Variants in NACC2 observed in about 807,000 individuals in gnomAD.
NACC2 encodes the protein NACC family member 2.
NACC2 carries 8 observed loss-of-function variants against 25.1 expected under a neutral mutation model. The ratio of observed to expected loss-of-function variants is 0.32; its 90% CI spans 0.19 to 0.57. The LOEUF (loss-of-function observed/expected upper bound fraction) is 0.57. Among genes scored for constraint, NACC2 ranks in the 20% least tolerant of loss-of-function variants. The pLI is 0.89. For missense variants in NACC2, 644 were observed against 650.2 expected (o/e 0.99, Z 0.10); for synonymous variants, 435 against 294.7 (o/e 1.48, Z -4.88).
At chr9:136,052,763 G>A (rs1588572992) in intron 1 of NACC2, among the ~76,000 whole-genome samples, 5 of 152,220 alleles carry the variant, frequency 3.3e-5, no homozygotes, top group Admixed American at 1.3e-4. Flanking sequence ...CGCTCCTCCC[G>A]CACACTCCTG....
At chr9:136,058,215 T>A (rs1840956035) in intron 1 of NACC2, among the ~76,000 whole-genome samples, 1 of 152,136 alleles carries the variant, frequency 6.6e-6, no homozygotes, top group African/African-American at 2.4e-5. Flanking sequence ...CCAGGCTATG[T>A]CCTTGGGGTC....
intron 2 of NACC2, among the ~76,000 whole-genome samples, chr9:136,034,375 A>G (rs932463628): frequency 1.3e-5 from 2 of 152,190 alleles, no homozygotes; most frequent in Non-Finnish European, 2.9e-5. Context: ...AAATAGGAAG[A>G]GAAAAAGAAA....
chr9:136,059,323 T>C (rs928660710), intron 1 of NACC2, among the ~76,000 whole-genome samples: 1 of 152,158 alleles, frequency 6.6e-6, no homozygotes, highest in African/African-American at 2.4e-5. Flanking sequence ...GGTGTCCAGA[T>C]GCATGCACCA....
In NACC2 at chr9:136,042,052, G is replaced by A. The variant is rs989832964; in HGVS notation, c.886+7584C>T. On this transcript the variant is annotated intron_variant, in intron 2 of 5. Coordinates refer to ENST00000277554, the MANE Select transcript of NACC2 (RefSeq NM_144653.5). ...CTCTGTGGCCCAGGCTGGAGTGCAC[G>A]ATCTTGGCTCACTATAACCTCCACC... Among the ~76,000 whole-genome samples, 1,510 of 152,142 alleles carry A rather than the reference G, an allele frequency of 9.9e-3. 9 individuals carry two copies. The highest frequency in any genetic ancestry group is 0.017 in the Non-Finnish European group (1,123 of 68,002).
chr9:136,051,050 G>A (rs965437365), intron 1 of NACC2, among the ~76,000 whole-genome samples: 11,122 of 152,284 alleles, frequency 0.073, 761 homozygotes, highest in East Asian at 0.22. Flanking sequence ...AGGGAGGGGG[G>A]TCTCTGGAGC....
chr9:136,071,674 G>A lies in NACC2; in HGVS notation c.-59-21094C>T, dbSNP rs149668688. On this transcript the variant is annotated intron_variant, in intron 1 of 5. Coordinates refer to ENST00000277554, the MANE Select transcript of NACC2 (RefSeq NM_144653.5). ...AATTTTGAGAGAGAATTAAGTGGGA[G>A]AAATCAGGCTACCTGATTTCAAGGC... is the stretch of plus-strand genomic sequence containing the variant. Among the ~76,000 whole-genome samples the A allele has an allele frequency of 6.0e-3, 911 of 152,022 alleles. 8 individuals are homozygous for A. The highest frequency in any genetic ancestry group is 9.2e-3 in the Non-Finnish European group (623 of 68,012).
intron 2 of NACC2, among the ~76,000 whole-genome samples, chr9:136,038,967 G>A (rs947965406): frequency 3.3e-5 from 5 of 152,314 alleles, no homozygotes; most frequent in South Asian, 2.1e-4. Context: ...GATGGTAGAC[G>A]TACACCTAAA....
At chr9:136,037,277 G>A (rs1218227583) in intron 2 of NACC2, among the ~76,000 whole-genome samples, 1 of 152,070 alleles carries the variant, frequency 6.6e-6, no homozygotes, top group East Asian at 1.9e-4. Flanking sequence ...AGGCTGGAAT[G>A]CAGTGGTGTG....
At position 136,011,943 on chromosome 9, in the gene NACC2, C is replaced by T. The variant is rs1447283758; in HGVS notation, c.1337G>A (p.Arg446His). 6.2e-7 allele frequency: 1 copy of T among 1,604,104 alleles called. No homozygotes were observed. The highest frequency in any genetic ancestry group is 8.5e-7 in the Non-Finnish European group (1 of 1,177,010). The change falls in exon 6 of 6, where the codon CGC becomes CAC. Residue 446 changes from arginine to histidine, a missense_variant. By Grantham distance (29) the Arg-to-His change is conservative. Transcript: ENST00000277554. ...IAADMCTNARRVRKRWLPKIK... is the reference protein window; with the variant it reads ...IAADMCTNARHVRKRWLPKIK... The stretch of plus-strand genomic sequence containing the variant: ...CTTGGGCAGCCAGCGCTTGCGAACG[C>T]GGCGGGCGTTGGTGCACATGTCCGC...
Position 136,016,253 on chromosome 9 carries a change from A to C in NACC2, c.1051+12T>G. On this transcript the variant is annotated intron_variant, in intron 3 of 5. Coordinates refer to ENST00000277554, the MANE Select transcript of NACC2 (RefSeq NM_144653.5). Reference sequence around the variant, plus strand: ...CATTTGCATACAATAGATGGGTGGGAGGCAGCCTCACCTGCCACCAGCTCC... The same window carrying C: ...CATTTGCATACAATAGATGGGTGGGCGGCAGCCTCACCTGCCACCAGCTCC... 6.2e-7 allele frequency: 1 copy of C among 1,611,894 alleles called. No homozygotes were observed. The highest frequency in any genetic ancestry group is 2.2e-5 in the East Asian group (1 of 44,888).
intron 1 of NACC2, among the ~76,000 whole-genome samples, chr9:136,066,945 A>AT (rs749580981): frequency 1.6e-3 from 228 of 145,718 alleles, no homozygotes; most frequent in African/African-American, 4.1e-3. Context: ...ATTTAAAAAG[A>AT]TTAAAAAAAA....
At chr9:136,094,748 C>A (rs960395773) in intron 1 of NACC2, among the ~76,000 whole-genome samples, 31 of 151,932 alleles carry the variant, frequency 2.0e-4, no homozygotes, top group African/African-American at 7.5e-4. Flanking sequence ...TGGGTACCTC[C>A]GCCCTGGCCC....
rs1840787620 is a variant in NACC2 at position 136,049,736 on chromosome 9, C to G, written c.786G>C (p.Ser262=). The change falls in exon 2 of 6, where the codon TCG becomes TCC. Residue 262 remains serine, a synonymous_variant. Coordinates refer to ENST00000277554, the MANE Select transcript of NACC2 (RefSeq NM_144653.5). ...CCTCCTCGTCCTCCTCGTTGTGGTA[C>G]GAGGTGGGGCTGTCGGTGGTGGGCA... ...SSLPTTDSPT[S]YHNEEDEEDD... The G allele has an allele frequency of 1.2e-5, 9 of 778,696 alleles. No individual in the cohort carries two copies. The highest frequency in any genetic ancestry group is 6.8e-5 in the African/African-American group (4 of 59,042). The allele number at this position is 778,696 out of a possible 1,614,324, so 48.2% of individuals were successfully genotyped here.
chr9:136,076,477 C>T (rs527508125), intron 1 of NACC2, among the ~76,000 whole-genome samples: 5 of 152,092 alleles, frequency 3.3e-5, no homozygotes, highest in Admixed American at 6.6e-5. Context: ...CACTCACACG[C>T]GGGCACAGAG....
Position 136,056,653 on chromosome 9 carries a change from A to G in NACC2, c.-59-6073T>C, listed in dbSNP as rs373073394. ...CCCCCAGCTTCAGGGTCACAGAGGT[A>G]CGGGGGGTCTCTGGGATGACGGGCC... On this transcript the variant is annotated intron_variant, in intron 1 of 5. Coordinates refer to ENST00000277554, the MANE Select transcript of NACC2 (RefSeq NM_144653.5). 1.4e-4 allele frequency among the ~76,000 whole-genome samples: 21 copies of G among 152,340 alleles called. No individual in the cohort carries two copies. In the East Asian group the frequency reaches 3.1e-3, roughly 22 times the overall value.
intron 2 of NACC2, among the ~76,000 whole-genome samples, chr9:136,042,435 G>A (rs1840647914): frequency 6.6e-6 from 1 of 152,074 alleles, no homozygotes; most frequent in Non-Finnish European, 1.5e-5. Context: ...AAATAGGCCT[G>A]CAGGTACGTA....
chr9:136,013,187 C>CAG lies in NACC2; in HGVS notation c.1255+11_1255+12insCT. On this transcript the variant is annotated intron_variant, in intron 5 of 5. Transcript: ENST00000277554. The surrounding 1 kb of genome is among the most constrained non-coding windows in gnomAD (Gnocchi z 6.6). ...CCGGCCCCACCCACCCGAGAGACCC[C>CAG]CAGGCTCTTACATTTCACAGCGTTC... 6.2e-7 allele frequency: 1 copy of CAG among 1,603,614 alleles called. No individual in the cohort carries two copies. The highest frequency in any genetic ancestry group is 8.5e-7 in the Non-Finnish European group (1 of 1,173,490).
At chr9:136,074,612 G>A (rs1830237121) in intron 1 of NACC2, among the ~76,000 whole-genome samples, 1 of 151,628 alleles carries the variant, frequency 6.6e-6, no homozygotes, top group East Asian at 2.0e-4. Flanking sequence ...TCCTCGTTCT[G>A]TCACAGCAAG....
chr9:136,013,347 C>T lies in NACC2; in HGVS notation c.1158-51G>A, dbSNP rs1476406455. The T allele has an allele frequency of 1.9e-6, 3 of 1,549,316 alleles. No homozygotes were observed. The highest frequency in any genetic ancestry group is 1.1e-5 in the South Asian group (1 of 88,194). ...CAGGGTGAGGATGATGGGGAGGGTACCTGGAGGCGACCCGCCCGCACGAAT... is the reference window on the plus strand; with the variant it reads ...CAGGGTGAGGATGATGGGGAGGGTATCTGGAGGCGACCCGCCCGCACGAAT... On this transcript the variant is annotated intron_variant, in intron 4 of 5. Transcript: ENST00000277554. The surrounding 1 kb of genome is among the most constrained non-coding windows in gnomAD (Gnocchi z 6.6).
Sources: gnomAD v4.1 joint callset for allele counts (sites outside exome capture counted in the v4.1 genomes callset) on GRCh38, gnomAD v4.1.1 for gene constraint, Gnocchi (gnomAD v3.1) non-coding constraint, MANE v1.5 for transcripts, NCBI Gene and HGNC (gene_info 2026-07-23, HGNC 2026-07-21) for gene names.